The following KIAA1549L variants were observed in gnomAD, a reference collection of about 807,000 sequenced individuals.
KIAA1549L encodes the protein KIAA1549 like, also known as UPF0606 protein KIAA1549L.
In KIAA1549L, 88 loss-of-function variants were observed where a neutral mutation model predicts 160.7. The ratio of observed to expected loss-of-function variants is 0.55; its 90% CI spans 0.46 to 0.65. The LOEUF (loss-of-function observed/expected upper bound fraction) is 0.65. Among genes scored for constraint, KIAA1549L ranks in the 30% least tolerant of loss-of-function variants. KIAA1549L has a pLI of 0.00. For synonymous variants in KIAA1549L, 950 were observed against 976.7 expected (o/e 0.97, Z 0.51); for missense variants, 2,258 against 2,437.5 (o/e 0.93, Z 1.55).
chr11:33,603,862 G>A lies in KIAA1549L; in HGVS notation c.4880-2779G>A, dbSNP rs115133747. On this transcript the variant is annotated intron_variant, in intron 13 of 20. Transcript: ENST00000658780. ...TGTGGCTGGAGCAGAGCAGATGAGG[G>A]GAGAGGGACTAAATGAGTTCAGCAA... is the stretch of plus-strand genomic sequence containing the variant. Among the ~76,000 whole-genome samples the A allele has an allele frequency of 7.2e-3, 1,088 of 152,086 alleles. 20 individuals are homozygous for A. The highest frequency in any genetic ancestry group is 0.025 in the African/African-American group (1,021 of 41,512).
rs568265488 is a variant in KIAA1549L, at chr11:33,605,058, T to A, written c.4880-1583T>A. ...GCTTCAGATCCTTGCCACATGGACCTTTCCATAGGACTGCTTCAAGGTCCT... is the reference window on the plus strand; with the variant it reads ...GCTTCAGATCCTTGCCACATGGACCATTCCATAGGACTGCTTCAAGGTCCT... On this transcript the variant is annotated intron_variant, in intron 13 of 20. Transcript: ENST00000658780. Among the ~76,000 whole-genome samples the A allele has an allele frequency of 2.6e-5, 4 of 152,338 alleles. No individual in the cohort carries two copies. The East Asian group carries it at 7.7e-4, about 29-fold the overall frequency.
At chr11:33,544,702 T>C (rs1409305226) in intron 2 of KIAA1549L, 65 bp from the exon 3 acceptor site, 1 of 1,525,436 alleles carries the variant, frequency 6.6e-7, no homozygotes, top group East Asian at 2.3e-5. Context: ...CATCCATTCA[T>C]CATCAGAACA....
At chr11:33,589,804 T>C (rs1297777153) in intron 11 of KIAA1549L, among the ~76,000 whole-genome samples, 4 of 152,154 alleles carry the variant, frequency 2.6e-5, no homozygotes, top group African/African-American at 9.7e-5. Context: ...AGGATATACC[T>C]AATGTTAAAT....
At chr11:33,652,318 G>C (rs1484261465) in intron 17 of KIAA1549L, among the ~76,000 whole-genome samples, 1 of 152,072 alleles carries the variant, frequency 6.6e-6, no homozygotes, top group African/African-American at 2.4e-5. Flanking sequence ...AGACACCCTG[G>C]GGGAGGATTC....
intron 1 of KIAA1549L, among the ~76,000 whole-genome samples, chr11:33,532,468 A>G (rs186775128): frequency 6.6e-6 from 1 of 152,350 alleles, no homozygotes; most frequent in East Asian, 1.9e-4. Context: ...CTTTACGCGT[A>G]TCAGCTCATT....
chr11:33,592,406 C>G (rs957722506), intron 12 of KIAA1549L, among the ~76,000 whole-genome samples: 2 of 152,134 alleles, frequency 1.3e-5, no homozygotes, highest in African/African-American at 2.4e-5. Context: ...TTTGCAATAG[C>G]CTTATAAAGA....
At chr11:33,559,087 G>A (rs528836996) in intron 6 of KIAA1549L, among the ~76,000 whole-genome samples, 4 of 151,914 alleles carry the variant, frequency 2.6e-5, no homozygotes, top group East Asian at 1.9e-4. Flanking sequence ...ATCTGCCTAC[G>A]TTGGCCTCCC....
At chr11:33,615,191 G>A (rs1035805006) in intron 15 of KIAA1549L, among the ~76,000 whole-genome samples, 27 of 152,028 alleles carry the variant, frequency 1.8e-4, no homozygotes, top group African/African-American at 6.5e-4. Context: ...GGAACCCCAC[G>A]TAAGGTAATA....
intron 1 of KIAA1549L, among the ~76,000 whole-genome samples, chr11:33,497,052 A>G (rs1365329096): frequency 6.6e-6 from 1 of 152,072 alleles, no homozygotes; most frequent in Admixed American, 6.5e-5. Context: ...CTCACACGGT[A>G]GCTCCAATGT....
At chr11:33,665,535 C>T (rs1324899267) in intron 20 of KIAA1549L, 1 of 152,402 alleles carries the variant, frequency 6.6e-6, no homozygotes, top group Non-Finnish European at 1.5e-5. Context: ...TTCTGCCCTG[C>T]TCTGACTGAG....
In KIAA1549L at chr11:33,668,288, C is replaced by A; in HGVS notation, c.*134C>A. On this transcript the variant is annotated 3_prime_UTR_variant, in exon 21 of 21. Coordinates refer to ENST00000658780, the MANE Select transcript of KIAA1549L (RefSeq NM_012194.3). The stretch of plus-strand genomic sequence containing the variant: ...CACCCTCCATTTCTGAAAAGGTGAA[C>A]TATGGGGCTTCTGGGAACAGGAAAC... 1.2e-6 allele frequency: 1 copy of A among 815,894 alleles called. No individual in the cohort carries two copies. Among genetic ancestry groups the A allele is most frequent in the Non-Finnish European group, 1.9e-6 (1 of 526,728 alleles). The allele number at this position is 815,894 out of a possible 1,614,324, so 50.5% of individuals were successfully genotyped here. A position where few individuals can be genotyped will look rare whatever the true frequency, so the allele number is the denominator to read the frequency against.
intron 1 of KIAA1549L, among the ~76,000 whole-genome samples, chr11:33,531,565 T>A (rs186369659): frequency 1.6e-4 from 24 of 152,334 alleles, no homozygotes; most frequent in Admixed American, 7.8e-4. Context: ...CAAACTTTTT[T>A]AAAAAAGAAA....
At chr11:33,408,781 CAAAA>C (rs71034683) in intron 1 of KIAA1549L, among the ~76,000 whole-genome samples, 4 of 115,316 alleles carry the variant, frequency 3.5e-5, no homozygotes, top group Non-Finnish European at 6.8e-5. Context: ...ACTAAAAATA[CAAAA>C]AAAAAAAAAA....
chr11:33,492,624 A>C (rs769911783), intron 1 of KIAA1549L, among the ~76,000 whole-genome samples: 2 of 152,152 alleles, frequency 1.3e-5, no homozygotes, highest in Non-Finnish European at 2.9e-5. Flanking sequence ...CTTTTCAAAC[A>C]CTGGAACAAT....
chr11:33,630,854 C>G (rs1303903505), intron 16 of KIAA1549L, among the ~76,000 whole-genome samples: 1 of 152,264 alleles, frequency 6.6e-6, no homozygotes, highest in African/African-American at 2.4e-5. Flanking sequence ...TTTACCTACT[C>G]TGCTGGCTGG....
At chr11:33,426,778 C>T (rs1426199099) in intron 1 of KIAA1549L, among the ~76,000 whole-genome samples, 3 of 152,186 alleles carry the variant, frequency 2.0e-5, no homozygotes, top group Non-Finnish European at 4.4e-5. Flanking sequence ...TGACTGCAAG[C>T]TCAGGTTCTG....
intron 1 of KIAA1549L, among the ~76,000 whole-genome samples, chr11:33,417,762 T>TA (rs1850917774): frequency 6.6e-6 from 1 of 151,702 alleles, no homozygotes; most frequent in Admixed American, 6.6e-5. Context: ...CTTCCTTCCT[T>TA]CTGTCCTTCT....
chr11:33,614,566 ATATATATATATATATATATTT>A (rs1850748580), intron 15 of KIAA1549L, among the ~76,000 whole-genome samples: 1 of 13,984 alleles, frequency 7.2e-5, no homozygotes, highest in African/African-American at 7.2e-4. Context: ...ATATATATAT[ATATATATATATATATATATTT>A]TTTTTTTTTT....
chr11:33,381,250 G>A (rs1194579410), intron 1 of KIAA1549L, among the ~76,000 whole-genome samples: 3 of 152,182 alleles, frequency 2.0e-5, no homozygotes, highest in Admixed American at 2.0e-4. Flanking sequence ...AATACCTGTA[G>A]GTCGGGTGAT....
Sources: gnomAD v4.1 joint callset for allele counts (sites outside exome capture counted in the v4.1 genomes callset) on GRCh38, gnomAD v4.1.1 for gene constraint, MANE v1.5 for transcripts, NCBI Gene and HGNC (gene_info 2026-07-23, HGNC 2026-07-21) for gene names.